The following SGMS1 variants were observed in gnomAD, a reference collection of about 807,000 sequenced individuals.
SGMS1 encodes the protein sphingomyelin synthase 1.
SGMS1 carries 13 observed loss-of-function variants against 46.2 expected under a neutral mutation model. The observed-to-expected ratio is 0.28, with a 90% confidence interval of 0.18 to 0.45. The LOEUF is 0.45. Ranked by LOEUF, SGMS1 falls within the 20% of genes least tolerant of loss-of-function variation. SGMS1 has a pLI of 1.00. For missense variants in SGMS1, 324 were observed against 519.9 expected, an observed-to-expected ratio of 0.62 and a Z score of 3.66; for synonymous variants, 203 against 187.8, an observed-to-expected ratio of 1.08 and a Z score of -0.66.
chr10:50,490,448 G>T (rs1837557943), intron 3 of SGMS1, among the ~76,000 whole-genome samples: 1 of 152,162 alleles, frequency 6.6e-6, no homozygotes, highest in African/African-American at 2.4e-5. Context: ...TTTAGTGGGT[G>T]GGTCCAAGGT....
intron 6 of SGMS1, among the ~76,000 whole-genome samples, chr10:50,355,843 G>C (rs367646469): frequency 6.6e-6 from 1 of 151,890 alleles, no homozygotes; most frequent in Non-Finnish European, 1.5e-5. Context: ...CCTCTGCCCC[G>C]CCGCCCTGTC....
intron 2 of SGMS1, among the ~76,000 whole-genome samples, chr10:50,556,670 G>A (rs977924375): frequency 6.6e-6 from 1 of 152,208 alleles, no homozygotes; most frequent in African/African-American, 2.4e-5. Flanking sequence ...AAGTTTGTCT[G>A]GAGTGAAATG....
intron 2 of SGMS1, among the ~76,000 whole-genome samples, chr10:50,545,081 C>T (rs1278500225): frequency 6.6e-6 from 1 of 152,124 alleles, no homozygotes; most frequent in African/African-American, 2.4e-5. Flanking sequence ...GACACAGTAG[C>T]TTTGAGGATG....
At chr10:50,354,766 C>T (rs2133392789) in intron 6 of SGMS1, among the ~76,000 whole-genome samples, 1 of 152,232 alleles carries the variant, frequency 6.6e-6, no homozygotes, top group South Asian at 2.1e-4. Flanking sequence ...ACAACCCCAT[C>T]AAAAAGTGAG....
intron 6 of SGMS1, among the ~76,000 whole-genome samples, chr10:50,352,636 C>A (rs535060927): frequency 6.6e-6 from 1 of 152,256 alleles, no homozygotes; most frequent in South Asian, 2.1e-4. Flanking sequence ...TCATACATAG[C>A]AAAGAGTCAC....
At chr10:50,350,550 T>C (rs964494216) in intron 6 of SGMS1, among the ~76,000 whole-genome samples, 2 of 152,100 alleles carry the variant, frequency 1.3e-5, no homozygotes, top group African/African-American at 4.8e-5. Flanking sequence ...GAAAACGTTG[T>C]TTCATGGGCC....
intron 6 of SGMS1, among the ~76,000 whole-genome samples, chr10:50,362,978 C>T (rs980606479): frequency 6.6e-5 from 10 of 152,094 alleles, no homozygotes; most frequent in Non-Finnish European, 4.4e-5. Context: ...ATAAAGACAA[C>T]TGACAAATTT....
Position 50,344,236 on chromosome 10 carries a change from A to G in SGMS1, c.-122T>C, listed in dbSNP as rs936425458. On this transcript the variant is annotated 5_prime_UTR_variant, in exon 7 of 11. Transcript: ENST00000361781. ...ATCCTGTGGGGCCTCATGAGCAGAG[A>G]CTTGTTTGGCAAGATGGTCAGGGCA... 2.2e-6 allele frequency: 3 copies of G among 1,354,010 alleles called. No homozygotes were observed. In the East Asian group the frequency reaches 7.0e-5, roughly 32 times the overall value. The allele number at this position is 1,354,010 out of a possible 1,614,324, so 83.9% of individuals were successfully genotyped here.
At chr10:50,332,795 A>T (rs1378506727) in intron 7 of SGMS1, among the ~76,000 whole-genome samples, 3 of 151,240 alleles carry the variant, frequency 2.0e-5, no homozygotes. Context: ...GCTAATTTTT[A>T]AAAAATTTTC....
Position 50,436,601 on chromosome 10 carries a change from G to A in SGMS1, c.-312-3045C>T, listed in dbSNP as rs370721886. ...GTTACAAGCCCAGCACTTCCTAATC[G>A]TGCTTCAAATACAATGTTAAGATTC... On this transcript the variant is annotated intron_variant, in intron 5 of 10. Coordinates refer to ENST00000361781, the MANE Select transcript of SGMS1 (RefSeq NM_147156.4). Among the ~76,000 whole-genome samples the A allele has an allele frequency of 2.5e-3, 381 of 152,234 alleles. 13 individuals are homozygous for A. In the South Asian group the frequency reaches 0.075, roughly 30 times the overall value.
At chr10:50,505,957 C>A (rs1466841213) in intron 3 of SGMS1, among the ~76,000 whole-genome samples, 1 of 152,198 alleles carries the variant, frequency 6.6e-6, no homozygotes, top group East Asian at 1.9e-4. Flanking sequence ...AGACATGGCA[C>A]CAGCCTTCTC....
chr10:50,518,428 T>C (rs1250686478), intron 3 of SGMS1, among the ~76,000 whole-genome samples: 1 of 152,136 alleles, frequency 6.6e-6, no homozygotes, highest in Non-Finnish European at 1.5e-5. Context: ...TTTAGTTTGT[T>C]TGTTTGTTTG....
intron 8 of SGMS1, among the ~76,000 whole-genome samples, chr10:50,312,229 T>C (rs963762076): frequency 6.6e-6 from 1 of 152,040 alleles, no homozygotes; most frequent in Middle Eastern, 3.4e-3. Context: ...ATTTAACTTA[T>C]AAGAATCTAG....
intron 2 of SGMS1, among the ~76,000 whole-genome samples, chr10:50,582,082 A>G (rs754512226): frequency 6.6e-6 from 1 of 152,126 alleles, no homozygotes; most frequent in Non-Finnish European, 1.5e-5. Flanking sequence ...GGCAAGCACT[A>G]TTTTTCCTCA....
At chr10:50,616,946 G>C (rs1183234583) in intron 1 of SGMS1, among the ~76,000 whole-genome samples, 1 of 152,052 alleles carries the variant, frequency 6.6e-6, no homozygotes, top group Non-Finnish European at 1.5e-5. Flanking sequence ...ACTTTGTTGA[G>C]AACTTAATAA....
chr10:50,542,357 A>C (rs749343528), intron 2 of SGMS1, among the ~76,000 whole-genome samples: 2 of 152,204 alleles, frequency 1.3e-5, no homozygotes, highest in Non-Finnish European at 2.9e-5. Context: ...AAAAAAAATC[A>C]CTGTTTTGAA....
chr10:50,445,479 T>C (rs1033833034), intron 5 of SGMS1, among the ~76,000 whole-genome samples: 95 of 152,152 alleles, frequency 6.2e-4, no homozygotes, highest in African/African-American at 2.1e-3. Context: ...TATGAAGATT[T>C]CATGGACATT....
intron 2 of SGMS1, among the ~76,000 whole-genome samples, chr10:50,571,471 C>T (rs2224249): frequency 0.29 from 44,487 of 152,126 alleles, 7,434 homozygotes; most frequent in East Asian, 0.64. Flanking sequence ...TTTTCCATTT[C>T]CTGCAGTGAG....
chr10:50,343,946 C>A lies in SGMS1; in HGVS notation c.169G>T (p.Gly57Trp), dbSNP rs948939561. 2 of 1,613,990 alleles carry A rather than the reference C, an allele frequency of 1.2e-6. No individual in the cohort carries two copies. The highest frequency in any genetic ancestry group is 2.7e-5 in the African/African-American group (2 of 74,888). ...TCTATCATGTCCAGGAGCCGCTGCC[C>A]ATTGTCAGAGGAGACTCGGCACAAG... ...PPLCRVSSDN[G>W]QRLLDMIETL... Residue 57 changes from glycine to tryptophan, a missense_variant, in exon 7 of 11, where the codon GGG becomes TGG. Physicochemically the swap from Gly to Trp is radical, Grantham distance 184. Transcript: ENST00000361781.
Sources: gnomAD v4.1 joint callset for allele counts (sites outside exome capture counted in the v4.1 genomes callset) on GRCh38, gnomAD v4.1.1 for gene constraint, MANE v1.5 for transcripts, NCBI Gene and HGNC (gene_info 2026-07-23, HGNC 2026-07-21) for gene names.